The following TFE3 variants were observed in gnomAD, a reference collection of about 807,000 sequenced individuals.
TFE3 encodes the protein transcription factor binding to IGHM enhancer 3, also known as transcription factor E3.
Under a neutral mutation model 35.0 loss-of-function variants are expected in TFE3, and 5 were observed. The observed-to-expected ratio is 0.14, with a 90% CI of 0.07 to 0.30. The LOEUF (loss-of-function observed/expected upper bound fraction) is 0.30, where lower values mean the gene tolerates loss of function less well. Ranked by LOEUF, TFE3 falls within the 10% of genes least tolerant of loss-of-function variation. The pLI is 1.00. For synonymous variants in TFE3, 211 were observed against 215.6 expected (o/e 0.98, Z 0.18); for missense variants, 374 against 496.6 (o/e 0.75, Z 2.35).
intron 1 of TFE3, among the ~76,000 whole-genome samples, chrX:49,042,096 G>A (rs2064763414): frequency 9.0e-6 from 1 of 111,421 alleles, no homozygotes. Flanking sequence ...GGGAGGGCTG[G>A]GGCTCCAAAG....
chrX:49,032,494 T>C (rs1557073919), intron 8 of TFE3, among the ~76,000 whole-genome samples: 1 of 110,491 alleles, frequency 9.1e-6, no homozygotes, highest in Non-Finnish European at 1.9e-5. Flanking sequence ...CGTCTCGGCC[T>C]CCCCAAGTGC....
chrX:49,030,076 G>C lies in TFE3; in HGVS notation c.*82C>G. 2 of 1,029,592 alleles carry C rather than the reference G, an allele frequency of 1.9e-6. 1 individual carries two copies. 84.8% of individuals were successfully genotyped at this position (1,029,592 alleles called of 1,213,427 possible). ...ACCTGGGCAGGGCAGTCTCATGGGAGGGTGGGGGAAAAGGCGGGGCCTCAT... is the reference window on the plus strand; with the variant it reads ...ACCTGGGCAGGGCAGTCTCATGGGACGGTGGGGGAAAAGGCGGGGCCTCAT... On this transcript the variant is annotated 3_prime_UTR_variant, in exon 10 of 10. Coordinates refer to ENST00000315869, the MANE Select transcript of TFE3 (RefSeq NM_006521.6).
intron 2 of TFE3, among the ~76,000 whole-genome samples, chrX:49,039,996 G>C (rs972764075): frequency 7.3e-5 from 8 of 110,026 alleles, no homozygotes; most frequent in African/African-American, 2.7e-4. Context: ...AGCCCGGGCC[G>C]ATGACTCAGC....
At position 49,028,828 on chromosome X, in the gene TFE3, A is replaced by T. The variant is rs1165585090; in HGVS notation, c.*1330T>A. 1.2e-5 allele frequency: 2 copies of T among 169,819 alleles called. No homozygotes were observed. Among genetic ancestry groups the T allele is most frequent in the Non-Finnish European group, 2.3e-5 (2 of 88,788 alleles). 14.0% of individuals were successfully genotyped at this position (169,819 alleles called of 1,213,427 possible). A position where few individuals can be genotyped will look rare whatever the true frequency, so the allele number is the denominator to read the frequency against. On this transcript the variant is annotated 3_prime_UTR_variant, in exon 10 of 10. Transcript: ENST00000315869. ...CCCTCCATGGGGCCTGGCCCCAGCA[A>T]TCCAAAGCTGACAACCTTGGGTGTA...
At position 49,029,980 on chromosome X, in the gene TFE3, C is replaced by A; in HGVS notation, c.*178G>T. ...CGGTTCCTTTGGGGAAGGTGCAGGGCCTCATCTGACTCCTCCTCCTTGCCT... is the reference window on the plus strand; with the variant it reads ...CGGTTCCTTTGGGGAAGGTGCAGGGACTCATCTGACTCCTCCTCCTTGCCT... On this transcript the variant is annotated 3_prime_UTR_variant, in exon 10 of 10. Coordinates refer to ENST00000315869, the MANE Select transcript of TFE3 (RefSeq NM_006521.6). 1.9e-6 allele frequency: 1 copy of A among 535,726 alleles called. No individual in the cohort carries two copies. The highest frequency in any genetic ancestry group is 3.2e-6 in the Non-Finnish European group (1 of 313,269). The allele number at this position is 535,726 out of a possible 1,213,427, so 44.1% of individuals were successfully genotyped here. A position where few individuals can be genotyped will look rare whatever the true frequency, so the allele number is the denominator to read the frequency against.
At position 49,033,770 on chromosome X, in the gene TFE3, T is replaced by C; in HGVS notation, c.1016A>G (p.Lys339Arg). The C allele has an allele frequency of 1.7e-6, 2 of 1,211,413 alleles. No homozygotes were observed. ...IKREISETEAKALLKERQKKD... is the reference protein window; with the variant it reads ...IKREISETEARALLKERQKKD... ...CTTCTGCCGTTCCTTCAAAAGGGCC[T>C]TTGCCTCGGTCTCTGGAAAAGAGTG... The change falls in exon 7 of 10, where the codon AAG becomes AGG. Residue 339 changes from lysine (K) to arginine (R), a missense_variant. This residue lies in a region of TFE3 where 167 missense variants were observed against 297.2 expected (regional missense o/e 0.56). Coordinates refer to ENST00000315869, the MANE Select transcript of TFE3 (RefSeq NM_006521.6).
intron 5 of TFE3, among the ~76,000 whole-genome samples, chrX:49,035,727 C>G (rs1164843916): frequency 1.8e-5 from 2 of 109,780 alleles, no homozygotes; most frequent in Non-Finnish European, 3.8e-5. Flanking sequence ...CTCTTGAACC[C>G]ACTTCCAGTC....
rs782729168 is a variant in TFE3, at chrX:49,043,343, T to G, written c.-117A>C. Reference sequence around the variant, plus strand: ...CACCGCCGCCTCCTCCGCTAAGCCATGGAGCTAGCACTGCGCGGGCGGGCG... The same window carrying G: ...CACCGCCGCCTCCTCCGCTAAGCCAGGGAGCTAGCACTGCGCGGGCGGGCG... On this transcript the variant is annotated 5_prime_UTR_variant, in exon 1 of 10. It removes an upstream start codon present in the reference 5' UTR. Transcript: ENST00000315869. 2 of 558,504 alleles carry G rather than the reference T, an allele frequency of 3.6e-6. No homozygotes were observed. The highest frequency in any genetic ancestry group is 5.4e-6 in the Non-Finnish European group (2 of 372,031). The allele number at this position is 558,504 out of a possible 1,213,427, so 46.0% of individuals were successfully genotyped here. A position where few individuals can be genotyped will look rare whatever the true frequency, so the allele number is the denominator to read the frequency against.
rs186739258 is a variant in TFE3 at position 49,039,488 on chromosome X, C to T, written c.231-78G>A. On this transcript the variant is annotated intron_variant, in intron 2 of 9. Coordinates refer to ENST00000315869, the MANE Select transcript of TFE3 (RefSeq NM_006521.6). Reference sequence around the variant, plus strand: ...CCAAGCCTAAAGGGTCTTAGCGTGACGGAGCAGACACAGGAACCAGGCCTG... The same window carrying T: ...CCAAGCCTAAAGGGTCTTAGCGTGATGGAGCAGACACAGGAACCAGGCCTG... The T allele has an allele frequency of 3.1e-4, 319 of 1,023,257 alleles. 1 individual carries two copies. The African/African-American group carries it at 5.6e-3, about 18-fold the overall frequency. 84.3% of individuals were successfully genotyped at this position (1,023,257 alleles called of 1,213,427 possible).
Position 49,030,275 on chromosome X carries a change from C to T in TFE3, c.1611G>A (p.Ser537=), listed in dbSNP as rs373045428. 4.1e-5 allele frequency: 50 copies of T among 1,206,046 alleles called. No individual in the cohort carries two copies. In the African/African-American group the frequency reaches 5.6e-4, roughly 14 times the overall value. The change falls in exon 10 of 10, where the codon TCG becomes TCA. Residue 537 remains serine, a synonymous_variant. Transcript: ENST00000315869. The stretch of plus-strand genomic sequence containing the variant: ...CCCGCAGTGGGGACAGGGCACCCCC[C>T]GACAGTCCTCCCACCACCCCCTCCT... The part of the protein sequence containing the change: ...EEEEGVVGGL[S]GGALSPLRAA...
chrX:49,036,119 C>T (rs1263762870), intron 5 of TFE3, among the ~76,000 whole-genome samples: 5 of 109,068 alleles, frequency 4.6e-5, no homozygotes, highest in Admixed American at 9.9e-5. Context: ...TGCAGTGAGC[C>T]AGGATTACAC....
In TFE3 at chrX:49,035,940, T is replaced by G. The variant is rs369858357; in HGVS notation, c.886-1689A>C. Among the ~76,000 whole-genome samples the G allele has an allele frequency of 4.7e-5, 5 of 106,948 alleles. No homozygotes were observed. The South Asian group carries it at 1.6e-3, about 35-fold the overall frequency. The allele number at this position is 106,948 out of a possible 115,157, so 92.9% of individuals were successfully genotyped here. A position where few individuals can be genotyped will look rare whatever the true frequency, so the allele number is the denominator to read the frequency against. On this transcript the variant is annotated intron_variant, in intron 5 of 9. Transcript: ENST00000315869. The stretch of plus-strand genomic sequence containing the variant: ...ATCCCAGCACTTTGGGAGGCCGAGG[T>G]GGGCAGATGGCTTGAGCTCAGGAGT...
chrX:49,029,405 T>G lies in TFE3; in HGVS notation c.*753A>C, dbSNP rs1367262480. The G allele has an allele frequency of 2.2e-5, 5 of 222,849 alleles. No homozygotes were observed. The highest frequency in any genetic ancestry group is 4.3e-5 in the Non-Finnish European group (5 of 116,970). 18.4% of individuals were successfully genotyped at this position (222,849 alleles called of 1,213,427 possible). The stretch of plus-strand genomic sequence containing the variant: ...TTAAGTACCACTCCTCCCTGCAGTG[T>G]GGAATGCTTAGATGGGATGTTGCTG... On this transcript the variant is annotated 3_prime_UTR_variant, in exon 10 of 10. Transcript: ENST00000315869.
chrX:49,034,387 A>C, intron 5 of TFE3, 136 bp from the exon 6 acceptor site: 1 of 478,430 alleles, frequency 2.1e-6, no homozygotes, highest in Non-Finnish European at 3.7e-6. Flanking sequence ...CTGACTCAGC[A>C]CCAGAACCCT....
chrX:49,031,728 T>C, intron 8 of TFE3, 184 bp from the exon 9 acceptor site: 1 of 431,266 alleles, frequency 2.3e-6, no homozygotes, highest in Non-Finnish European at 3.7e-6. Flanking sequence ...TGGTGCCCCA[T>C]CACACTCCAA....
chrX:49,029,900 G>A lies in TFE3; in HGVS notation c.*258C>T. ...GTGAGGCTGTGATCCCCAGGGGGCA[G>A]GCCCTGATCTCATGTCCTTCTCCAG... On this transcript the variant is annotated 3_prime_UTR_variant, in exon 10 of 10. Transcript: ENST00000315869. 1 of 507,067 alleles carries A rather than the reference G, an allele frequency of 2.0e-6. No individual in the cohort carries two copies. The highest frequency in any genetic ancestry group is 3.6e-6 in the Non-Finnish European group (1 of 278,043). The allele number at this position is 507,067 out of a possible 1,213,427, so 41.8% of individuals were successfully genotyped here.
In TFE3 at chrX:49,038,766, A is replaced by G. The variant is rs1041130509; in HGVS notation, c.535-324T>C. ...ACCTAATAGACCTGGGAACCATACA[A>G]TGCTTCCCAAGACCCCCTAATGGCC... On this transcript the variant is annotated intron_variant, in intron 3 of 9. Transcript: ENST00000315869. Among the ~76,000 whole-genome samples the G allele has an allele frequency of 2.7e-4, 30 of 109,522 alleles. 1 individual carries two copies. Among genetic ancestry groups the G allele is most frequent in the Admixed American group, 8.8e-4 (9 of 10,259 alleles).
In TFE3 at chrX:49,036,489, A is replaced by T. The variant is rs1250173144; in HGVS notation, c.885+1521T>A. On this transcript the variant is annotated intron_variant, in intron 5 of 9. Transcript: ENST00000315869. ...CTCAAAAAAAAAAAAAAAATTCAAT[A>T]AAAAATAAATAAATAAATAAATAAA... is the stretch of plus-strand genomic sequence containing the variant. Among the ~76,000 whole-genome samples, 124 of 12,055 alleles carry T rather than the reference A, an allele frequency of 0.01. No individual in the cohort carries two copies. In the Non-Finnish European group the frequency reaches 0.28, roughly 27 times the overall value. The allele number at this position is 12,055 out of a possible 115,157, so 10.5% of individuals were successfully genotyped here.
rs34558907 is a variant in TFE3 at position 49,039,403 on chromosome X, T to A, written c.238A>T (p.Ile80Leu). 1.4e-5 allele frequency: 17 copies of A among 1,176,510 alleles called. No homozygotes were observed. Among genetic ancestry groups the A allele is most frequent in the Non-Finnish European group, 1.8e-5 (16 of 878,785 alleles). ...GTGGCTGGTGTGGCCTGCAGTGATA[T>A]TGGGAGGCTGTGGAATGGGAAATAT... ...QPLPLRSSLP[I>L]SLQATPATPA... Residue 80 changes from isoleucine to leucine, a missense_variant, in exon 3 of 10, where the codon ATA becomes TTA. Ile to Leu is a conservative substitution (Grantham distance 5). This residue lies in a region of TFE3 where 90 missense variants were observed against 87.5 expected (regional missense o/e 1.03). Transcript: ENST00000315869.
Sources: allele counts gnomAD v4.1 joint callset (sites outside exome capture counted in the v4.1 genomes callset), GRCh38; gene constraint gnomAD v4.1.1; regional missense constraint gnomAD v4.1.1; transcripts MANE v1.5; gene names NCBI Gene and HGNC (gene_info 2026-07-23, HGNC 2026-07-21).